LINGO2: variants seen among roughly 807,000 people sequenced by gnomAD.
LINGO2 encodes leucine-rich repeat and immunoglobulin-like domain-containing nogo receptor-interacting protein 2.
In LINGO2, 14 loss-of-function variants were observed where a neutral mutation model predicts 30.6. The ratio of observed to expected loss-of-function variants is 0.46; its 90% CI spans 0.30 to 0.72. The LOEUF (loss-of-function observed/expected upper bound fraction) is 0.72. Ranked by LOEUF, LINGO2 falls within the 30% of genes least tolerant of loss-of-function variation. The pLI, the probability that LINGO2 is intolerant of heterozygous loss-of-function variation, is 0.07. For synonymous variants in LINGO2, 317 were observed against 288.5 expected (o/e 1.10, Z -1.00); for missense variants, 729 against 751.7 (o/e 0.97, Z 0.35).
chr9:28,926,479 T>C, the LINGO2 span, among the ~76,000 whole-genome samples: 2 of 152,052 alleles, frequency 1.3e-5, no homozygotes, highest in East Asian at 1.9e-4. Context: ...CCCCTACATA[T>C]GCTGACATGA....
chr9:29,188,220 C>A, the LINGO2 span, among the ~76,000 whole-genome samples: 21 of 151,616 alleles, frequency 1.4e-4, no homozygotes, highest in African/African-American at 5.1e-4. Flanking sequence ...GGTGATGACT[C>A]TTAACGAGCA....
intron 4 of LINGO2, among the ~76,000 whole-genome samples, chr9:28,165,213 A>G (rs1011354140): frequency 6.6e-6 from 1 of 152,226 alleles, no homozygotes; most frequent in African/African-American, 2.4e-5. Context: ...AATTCCTTTA[A>G]AGAACATTGT....
At chr9:28,656,436 G>T (rs1009872543) in intron 1 of LINGO2, among the ~76,000 whole-genome samples, 8 of 151,954 alleles carry the variant, frequency 5.3e-5, no homozygotes, top group African/African-American at 1.9e-4. Context: ...AAGAAAAGTA[G>T]ACATCATGAG....
intron 2 of LINGO2, among the ~76,000 whole-genome samples, chr9:28,381,420 G>T (rs1315617178): frequency 6.6e-6 from 1 of 151,984 alleles, no homozygotes; most frequent in African/African-American, 2.4e-5. Flanking sequence ...GGCTACACAT[G>T]CAGGTAAAAG....
chr9:29,147,105 C>A, the LINGO2 span, among the ~76,000 whole-genome samples: 3 of 152,176 alleles, frequency 2.0e-5, no homozygotes, highest in South Asian at 2.1e-4. Context: ...ATGTACACAT[C>A]TGAAATATAC....
the LINGO2 span, among the ~76,000 whole-genome samples, chr9:28,724,794 A>T: frequency 6.6e-6 from 1 of 152,142 alleles, no homozygotes; most frequent in African/African-American, 2.4e-5. Flanking sequence ...CAATTGGTTC[A>T]TAAGTTTGGG....
chr9:29,085,567 G>A, the LINGO2 span, among the ~76,000 whole-genome samples: 1 of 151,960 alleles, frequency 6.6e-6, no homozygotes, highest in African/African-American at 2.4e-5. Flanking sequence ...ATGAAAGACT[G>A]AAGCAGAACC....
At chr9:28,224,261 T>C (rs1215307570) in intron 4 of LINGO2, among the ~76,000 whole-genome samples, 1 of 152,164 alleles carries the variant, frequency 6.6e-6, no homozygotes, top group Non-Finnish European at 1.5e-5. Flanking sequence ...AGACGGGGTT[T>C]CACCGTGTTA....
At chr9:28,341,139 A>G (rs1353210963) in intron 3 of LINGO2, among the ~76,000 whole-genome samples, 1 of 152,142 alleles carries the variant, frequency 6.6e-6, no homozygotes, top group Admixed American at 6.6e-5. Flanking sequence ...CGTTGATATA[A>G]ATCTTTAACC....
chr9:28,741,623 C>G, the LINGO2 span, among the ~76,000 whole-genome samples: 1 of 151,798 alleles, frequency 6.6e-6, no homozygotes, highest in African/African-American at 2.4e-5. Context: ...ATAGGGTGAC[C>G]TGGAAACCTA....
chr9:28,886,162 C>G, the LINGO2 span, among the ~76,000 whole-genome samples: 1 of 152,048 alleles, frequency 6.6e-6, no homozygotes, highest in Non-Finnish European at 1.5e-5. Context: ...TTTCAGTGTA[C>G]TGACATGCCT....
the LINGO2 span, among the ~76,000 whole-genome samples, chr9:28,784,614 A>C: frequency 6.6e-6 from 1 of 152,182 alleles, no homozygotes; most frequent in Non-Finnish European, 1.5e-5. Context: ...AATTGTTCTC[A>C]AGGAAGAATT....
At chr9:28,393,138 A>G (rs1043054061) in intron 2 of LINGO2, among the ~76,000 whole-genome samples, 1 of 152,212 alleles carries the variant, frequency 6.6e-6, no homozygotes, top group Non-Finnish European at 1.5e-5. Flanking sequence ...AATCTACTTC[A>G]ATGTTTACTT....
intron 4 of LINGO2, among the ~76,000 whole-genome samples, chr9:28,066,316 G>T (rs369132339): frequency 3.9e-5 from 6 of 152,224 alleles, no homozygotes; most frequent in African/African-American, 9.6e-5. Context: ...CTTATCTTTC[G>T]TTTGGGCAGA....
chr9:28,596,596 G>A (rs1056152462), intron 1 of LINGO2, among the ~76,000 whole-genome samples: 2 of 152,082 alleles, frequency 1.3e-5, no homozygotes, highest in African/African-American at 4.8e-5. Flanking sequence ...TTTAGTGCTG[G>A]ATAATAAACA....
the LINGO2 span, among the ~76,000 whole-genome samples, chr9:28,817,249 G>T: frequency 6.6e-6 from 1 of 151,080 alleles, no homozygotes; most frequent in Non-Finnish European, 1.5e-5. Flanking sequence ...AAAAAAAAAG[G>T]GGGATAGGTA....
At chr9:28,938,913 G>A in the LINGO2 span, among the ~76,000 whole-genome samples, 1 of 152,130 alleles carries the variant, frequency 6.6e-6, no homozygotes, top group African/African-American at 2.4e-5. Context: ...AGAAATAAGA[G>A]CTCACACGCA....
the LINGO2 span, among the ~76,000 whole-genome samples, chr9:29,016,129 G>A: frequency 6.6e-6 from 1 of 152,244 alleles, no homozygotes; most frequent in East Asian, 1.9e-4. Flanking sequence ...TTAACCAGAA[G>A]CAAGCTCTTC....
At chr9:29,160,017 A>G in the LINGO2 span, among the ~76,000 whole-genome samples, 1 of 152,310 alleles carries the variant, frequency 6.6e-6, no homozygotes, top group East Asian at 1.9e-4. Flanking sequence ...TTCTAGAGAA[A>G]GTAAATAATA....
Sources: gnomAD v4.1 joint callset for allele counts (sites outside exome capture counted in the v4.1 genomes callset) on GRCh38, gnomAD v4.1.1 for gene constraint, MANE v1.5 for transcripts, NCBI Gene and HGNC (gene_info 2026-07-23, HGNC 2026-07-21) for gene names.